Variants in ERBB4 observed in about 807,000 individuals in gnomAD.
ERBB4 encodes the protein receptor tyrosine-protein kinase erbB-4.
ERBB4 carries 42 observed loss-of-function variants against 158.0 expected under a neutral mutation model. That is an observed-to-expected ratio of 0.27 (90% CI 0.21 to 0.34). The LOEUF (loss-of-function observed/expected upper bound fraction) is 0.34, where lower values mean the gene tolerates loss of function less well. Ranked by LOEUF, ERBB4 falls within the 10% of genes least tolerant of loss-of-function variation. The probability of loss-of-function intolerance (pLI) is 1.00; values close to 1 mark genes in which losing one functional copy is unlikely to be tolerated. For missense variants in ERBB4, 1,333 were observed against 1,624.1 expected (o/e 0.82, Z 3.08); for synonymous variants, 583 against 558.7 (o/e 1.04, Z -0.61).
At chr2:212,301,073 G>C (rs2086601003) in intron 1 of ERBB4, among the ~76,000 whole-genome samples, 1 of 149,918 alleles carries the variant, frequency 6.7e-6, no homozygotes, top group Non-Finnish European at 1.5e-5. Flanking sequence ...CAGTTAAGTA[G>C]TTAGTACTTG....
At chr2:212,049,211 TATA>T in intron 2 of ERBB4, among the ~76,000 whole-genome samples, 1 of 152,228 alleles carries the variant, frequency 6.6e-6, no homozygotes, top group Middle Eastern at 3.2e-3. Context: ...CAACTGTAAT[TATA>T]ATATCTCTGT....
chr2:211,923,365 T>C (rs534510323), intron 3 of ERBB4, among the ~76,000 whole-genome samples: 18 of 151,928 alleles, frequency 1.2e-4, no homozygotes, highest in Non-Finnish European at 2.4e-4. Context: ...TAAAAAAGAG[T>C]TTGGTTAAAC....
chr2:211,712,008 C>T, intron 9 of ERBB4, 42 bp downstream of exon 9: 2 of 1,561,426 alleles, frequency 1.3e-6, no homozygotes, highest in South Asian at 1.1e-5. Context: ...TCAGTTTTGT[C>T]TACACTTTGT....
chr2:212,378,117 A>T (rs1413608402), intron 1 of ERBB4, among the ~76,000 whole-genome samples: 1 of 151,854 alleles, frequency 6.6e-6, no homozygotes, highest in East Asian at 1.9e-4. Flanking sequence ...CCACAACATT[A>T]TAATGGTTAC....
chr2:211,451,033 G>A (rs1239688186), intron 20 of ERBB4, among the ~76,000 whole-genome samples: 1 of 152,296 alleles, frequency 6.6e-6, no homozygotes, highest in Non-Finnish European at 1.5e-5. Context: ...AGTTAAGATC[G>A]TGGATCTGGG....
chr2:212,112,981 A>C (rs546380914), intron 2 of ERBB4, among the ~76,000 whole-genome samples: 1 of 152,354 alleles, frequency 6.6e-6, no homozygotes, highest in Admixed American at 6.5e-5. Flanking sequence ...AAAAATGCAC[A>C]GTATATCTCA....
At position 211,761,046 on chromosome 2, in the gene ERBB4, T is replaced by C. The variant is rs183811625; in HGVS notation, c.557-10342A>G. 2.8e-4 allele frequency among the ~76,000 whole-genome samples: 42 copies of C among 151,926 alleles called. 1 individual carries two copies. In the East Asian group the frequency reaches 8.2e-3, roughly 30 times the overall value. The stretch of plus-strand genomic sequence containing the variant: ...CCCGTCTCTACTAAAAATACAAAAA[T>C]TAACTGGGCGTGGTGGCGCGTGCCT... On this transcript the variant is annotated intron_variant, in intron 4 of 27. Transcript: ENST00000342788.
chr2:211,587,725 GA>G (rs1559325358), intron 19 of ERBB4, among the ~76,000 whole-genome samples: 1 of 151,960 alleles, frequency 6.6e-6, no homozygotes, highest in Non-Finnish European at 1.5e-5. Context: ...ACCTATCCTC[GA>G]TAGGCCACGA....
At chr2:212,167,483 T>G (rs928640975) in intron 1 of ERBB4, among the ~76,000 whole-genome samples, 1 of 152,144 alleles carries the variant, frequency 6.6e-6, no homozygotes, top group African/African-American at 2.4e-5. Context: ...ACTTTTACAC[T>G]GTTGATGGGA....
intron 1 of ERBB4, among the ~76,000 whole-genome samples, chr2:212,231,762 C>G (rs1204156118): frequency 1.3e-5 from 2 of 152,118 alleles, no homozygotes; most frequent in African/African-American, 2.4e-5. Flanking sequence ...CAACTAATAC[C>G]AATATGCATG....
chr2:211,505,776 C>T (rs1043471350), intron 20 of ERBB4, among the ~76,000 whole-genome samples: 4 of 151,884 alleles, frequency 2.6e-5, no homozygotes, highest in Admixed American at 6.6e-5. Flanking sequence ...CTGGCTAACA[C>T]GGTGAAACCC....
chr2:212,371,936 T>A (rs991191110), intron 1 of ERBB4, among the ~76,000 whole-genome samples: 1 of 152,232 alleles, frequency 6.6e-6, no homozygotes, highest in Non-Finnish European at 1.5e-5. Context: ...CTCATTTTAC[T>A]ATAAATATTT....
chr2:211,634,168 G>A (rs561008798), intron 16 of ERBB4, among the ~76,000 whole-genome samples: 26 of 152,028 alleles, frequency 1.7e-4, no homozygotes, highest in Non-Finnish European at 3.1e-4. Flanking sequence ...TTAAATTCAA[G>A]AAAAATGCAG....
chr2:212,428,047 A>C (rs1193476498), intron 1 of ERBB4, among the ~76,000 whole-genome samples: 1 of 151,126 alleles, frequency 6.6e-6, no homozygotes, highest in East Asian at 1.9e-4. Flanking sequence ...AAAGGATCTC[A>C]ATCTCACATA....
chr2:211,428,547 C>A, intron 21 of ERBB4, 64 bp from the exon 22 acceptor site: 1 of 880,884 alleles, frequency 1.1e-6, no homozygotes. Flanking sequence ...ATATGTATTT[C>A]CTAAATGTGA....
chr2:211,594,934 G>A (rs184353059), intron 19 of ERBB4, among the ~76,000 whole-genome samples: 26 of 152,220 alleles, frequency 1.7e-4, no homozygotes, highest in South Asian at 1.2e-3. Context: ...TGTGGCAGTC[G>A]TATGTCTACA....
chr2:211,875,726 C>T (rs1438553423), intron 3 of ERBB4, among the ~76,000 whole-genome samples: 1 of 152,116 alleles, frequency 6.6e-6, no homozygotes, highest in African/African-American at 2.4e-5. Context: ...TTTTCTTATC[C>T]AGAACAACCA....
chr2:211,814,895 T>G (rs2076846528), intron 3 of ERBB4, among the ~76,000 whole-genome samples: 1 of 152,216 alleles, frequency 6.6e-6, no homozygotes, highest in African/African-American at 2.4e-5. Flanking sequence ...GGACCTTAAT[T>G]ACATATGCCA....
chr2:211,415,927 T>C (rs879418373), intron 25 of ERBB4, among the ~76,000 whole-genome samples: 6 of 152,170 alleles, frequency 3.9e-5, no homozygotes, highest in Admixed American at 3.3e-4. Context: ...TCTTAGCAGA[T>C]AGAAAAGAAG....
Sources: gnomAD v4.1 joint callset for allele counts (sites outside exome capture counted in the v4.1 genomes callset) on GRCh38, gnomAD v4.1.1 for gene constraint, MANE v1.5 for transcripts, NCBI Gene and HGNC (gene_info 2026-07-23, HGNC 2026-07-21) for gene names.